The following ANKRD30B variants were observed in gnomAD, a reference collection of about 807,000 sequenced individuals.
ANKRD30B encodes the protein ankyrin repeat domain 30B.
Under a neutral mutation model 202.2 loss-of-function variants are expected in ANKRD30B, and 144 were observed. That is an observed-to-expected ratio of 0.71 (90% CI 0.62 to 0.82). The LOEUF is 0.82. ANKRD30B is among the 40% of genes least tolerant of loss of function. The pLI is 0.00. For missense variants in ANKRD30B, 1,487 were observed against 1,669.1 expected, an observed-to-expected ratio of 0.89 and a Z score of 1.90; for synonymous variants, 508 against 561.3, an observed-to-expected ratio of 0.91 and a Z score of 1.34.
chr18:14,817,829 A>G (rs949798817), intron 30 of ANKRD30B, among the ~76,000 whole-genome samples: 2 of 152,198 alleles, frequency 1.3e-5, no homozygotes, highest in Non-Finnish European at 2.9e-5. Context: ...TAATTAAAGC[A>G]GGTTTTTATT....
At position 14,754,882 on chromosome 18, in the gene ANKRD30B, G is replaced by C; in HGVS notation, c.511-17G>C. 1 of 1,476,912 alleles carries C rather than the reference G, an allele frequency of 6.8e-7. No individual in the cohort carries two copies. The highest frequency in any genetic ancestry group is 9.0e-7 in the Non-Finnish European group (1 of 1,106,200). The allele number at this position is 1,476,912 out of a possible 1,614,324, so 91.5% of individuals were successfully genotyped here. On this transcript the variant is annotated splice_polypyrimidine_tract_variant and intron_variant, in intron 3 of 43. Transcript: ENST00000690538. ...TATGTAATTTCATGAATTATATATT[G>C]TTCTGCTATTTTACAGGCTAGCCTC... is the stretch of plus-strand genomic sequence containing the variant.
chr18:14,769,462 G>A, intron 8 of ANKRD30B, 89 bp downstream of exon 8: 1 of 1,028,674 alleles, frequency 9.7e-7, no homozygotes, highest in South Asian at 1.5e-5. Flanking sequence ...TCTACTCTGG[G>A]CTAGACAACA....
the ANKRD30B span, among the ~76,000 whole-genome samples, chr18:14,900,931 T>C: frequency 3.3e-5 from 5 of 152,214 alleles, no homozygotes; most frequent in Admixed American, 1.3e-4. Context: ...CTCTTCCAGA[T>C]GTTTATTGCA....
chr18:14,827,253 G>C (rs1424010322), intron 32 of ANKRD30B, among the ~76,000 whole-genome samples: 5 of 152,198 alleles, frequency 3.3e-5, no homozygotes, highest in Non-Finnish European at 5.9e-5. Context: ...ACCTGGATGA[G>C]ATGGAACAGG....
the ANKRD30B span, among the ~76,000 whole-genome samples, chr18:14,930,240 G>A: frequency 6.6e-6 from 1 of 152,094 alleles, no homozygotes; most frequent in Non-Finnish European, 1.5e-5. Context: ...TGGGCCGACA[G>A]AGAAGGATGG....
the ANKRD30B span, among the ~76,000 whole-genome samples, chr18:14,875,633 A>T: frequency 3.3e-5 from 5 of 152,160 alleles, no homozygotes; most frequent in Non-Finnish European, 7.3e-5. Flanking sequence ...TTACATCTTT[A>T]TACCTTTGAA....
chr18:14,758,480 G>C (rs1490974283), intron 5 of ANKRD30B, among the ~76,000 whole-genome samples: 1 of 152,166 alleles, frequency 6.6e-6, no homozygotes, highest in Admixed American at 6.5e-5. Context: ...TTGTGACCAG[G>C]ATGCCCTTAC....
At chr18:14,842,178 A>G (rs1350978013) in intron 37 of ANKRD30B, among the ~76,000 whole-genome samples, 3 of 152,192 alleles carry the variant, frequency 2.0e-5, no homozygotes, top group African/African-American at 7.2e-5. Flanking sequence ...TAAATTTTCA[A>G]ATAAACATAT....
the ANKRD30B span, among the ~76,000 whole-genome samples, chr18:14,900,046 G>GA: frequency 2.6e-5 from 4 of 151,810 alleles, no homozygotes; most frequent in African/African-American, 9.7e-5. Flanking sequence ...TTTCTAAATT[G>GA]AAAAAATACA....
intron 4 of ANKRD30B, among the ~76,000 whole-genome samples, chr18:14,756,522 GTT>G (rs971943740): frequency 5.3e-5 from 8 of 152,302 alleles, no homozygotes; most frequent in Admixed American, 3.3e-4. Flanking sequence ...TTCTTCTAGA[GTT>G]TTTATGGTTT....
At chr18:14,885,588 TTTG>T in the ANKRD30B span, among the ~76,000 whole-genome samples, 1 of 151,982 alleles carries the variant, frequency 6.6e-6, no homozygotes, top group Non-Finnish European at 1.5e-5. Context: ...TTTTAGAGTT[TTTG>T]TTGTTATAGG....
intron 9 of ANKRD30B, among the ~76,000 whole-genome samples, chr18:14,773,090 T>C (rs1211101367): frequency 6.6e-6 from 1 of 152,182 alleles, no homozygotes; most frequent in African/African-American, 2.4e-5. Flanking sequence ...AGAATGCAGA[T>C]TTTACCCCAA....
chr18:14,833,533 T>TTGAAG, intron 34 of ANKRD30B, among the ~76,000 whole-genome samples: 1 of 152,372 alleles, frequency 6.6e-6, no homozygotes, highest in South Asian at 2.1e-4. Context: ...TACCAATACT[T>TTGAAG]TCTTCAGGTG....
chr18:14,836,298 T>A (rs1971167879), intron 34 of ANKRD30B, among the ~76,000 whole-genome samples: 1 of 152,116 alleles, frequency 6.6e-6, no homozygotes, highest in Non-Finnish European at 1.5e-5. Flanking sequence ...CTCTTTGTAA[T>A]CTACTCTGTC....
chr18:14,922,738 C>G, the ANKRD30B span, among the ~76,000 whole-genome samples: 2 of 151,878 alleles, frequency 1.3e-5, no homozygotes, highest in Admixed American at 6.6e-5. Flanking sequence ...CTGCGCTGTG[C>G]TCAGAACTGG....
intron 30 of ANKRD30B, among the ~76,000 whole-genome samples, chr18:14,821,469 T>C (rs942084507): frequency 1.3e-5 from 2 of 152,156 alleles, no homozygotes; most frequent in African/African-American, 4.8e-5. Context: ...GTGTTTTTTC[T>C]TTTGTTGAGA....
chr18:14,759,392 T>C (rs569510873), intron 5 of ANKRD30B: 1 of 152,322 alleles, frequency 6.6e-6, no homozygotes, highest in African/African-American at 2.4e-5. Flanking sequence ...GTGATTTTCA[T>C]ACAAAAAATA....
At chr18:14,786,448 T>G (rs1202493476) in intron 14 of ANKRD30B, among the ~76,000 whole-genome samples, 1 of 152,236 alleles carries the variant, frequency 6.6e-6, no homozygotes, top group Non-Finnish European at 1.5e-5. Flanking sequence ...GTTCTTAATT[T>G]ATATGCAATA....
At chr18:14,860,362 AGGCGCTCCTCACTTCCCAGAGGGG>A in the ANKRD30B span, among the ~76,000 whole-genome samples, 1 of 114,848 alleles carries the variant, frequency 8.7e-6, no homozygotes, top group Non-Finnish European at 1.8e-5. Context: ...TGCCGGGCAG[AGGCGCTCCTCACTTCCCAGAGGGG>A]GTGGCCGGGC....
Sources: gnomAD v4.1 joint callset for allele counts (sites outside exome capture counted in the v4.1 genomes callset) on GRCh38, gnomAD v4.1.1 for gene constraint, MANE v1.5 for transcripts, NCBI Gene and HGNC (gene_info 2026-07-23, HGNC 2026-07-21) for gene names.